The following RYR3 variants were observed in gnomAD, a reference collection of about 807,000 sequenced individuals.
RYR3 encodes brain ryanodine receptor-calcium release channel.
A neutral mutation model predicts 584.3 loss-of-function variants in RYR3; 207 were observed. That is an observed-to-expected ratio of 0.35 (90% CI 0.32 to 0.40). RYR3 has a LOEUF of 0.40. RYR3 is among the 10% of genes least tolerant of loss of function. The pLI is 1.00. For missense variants in RYR3, 5,616 were observed against 6,089.2 expected, an observed-to-expected ratio of 0.92 and a Z score of 2.59; for synonymous variants, 2,416 against 2,248.5, an observed-to-expected ratio of 1.07 and a Z score of -2.11.
chr15:33,633,098 G>A lies in RYR3; in HGVS notation c.3017G>A (p.Gly1006Asp). Residue 1006 changes from glycine (G) to aspartate (D), a missense_variant, in exon 24 of 104, where the codon GGC becomes GAC. Gly to Asp is a moderately conservative substitution (Grantham distance 94). This residue lies in a region of RYR3 where 1,284 missense variants were observed against 1,344.6 expected (regional missense o/e 0.95). Transcript: ENST00000634891. ...AGAATAAAACAAGGATGGACCTATG[G>A]CATCCAACAGGTAAGAAATTCTGGG... The part of the protein sequence containing the change: ...KDRIKQGWTY[G>D]IQQDLKNKRN... 3 of 1,612,384 alleles carry A rather than the reference G, an allele frequency of 1.9e-6. No homozygotes were observed. Among genetic ancestry groups the A allele is most frequent in the Non-Finnish European group, 2.5e-6 (3 of 1,179,020 alleles).
rs553995609 is a variant in RYR3 at position 33,337,501 on chromosome 15, C to G, written c.51+26405C>G. On this transcript the variant is annotated intron_variant, in intron 1 of 103. Coordinates refer to ENST00000634891, the MANE Select transcript of RYR3 (RefSeq NM_001036.6). Reference sequence around the variant, plus strand: ...CCCAAATTAATGTATGAGGCCAGTACAAACTTTAAGCCAAAATCAAAGATT... The same window carrying G: ...CCCAAATTAATGTATGAGGCCAGTAGAAACTTTAAGCCAAAATCAAAGATT... Among the ~76,000 whole-genome samples the G allele has an allele frequency of 4.6e-5, 7 of 151,974 alleles. No individual in the cohort carries two copies. The East Asian group carries it at 1.2e-3, about 25-fold the overall frequency.
chr15:33,820,106 T>G (rs2077032856), intron 77 of RYR3, among the ~76,000 whole-genome samples: 1 of 152,238 alleles, frequency 6.6e-6, no homozygotes. Flanking sequence ...TTTCACTCAA[T>G]GTTCAGGATA....
At chr15:33,786,446 G>C (rs945748575) in intron 66 of RYR3, among the ~76,000 whole-genome samples, 2 of 150,766 alleles carry the variant, frequency 1.3e-5, no homozygotes, top group Non-Finnish European at 2.9e-5. Flanking sequence ...CTAAGACACT[G>C]TCTCATGCGG....
Position 33,558,688 on chromosome 15 carries a change from G to A in RYR3, c.973-4149G>A, listed in dbSNP as rs374443714. Among the ~76,000 whole-genome samples, 3 of 152,264 alleles carry A rather than the reference G, an allele frequency of 2.0e-5. No homozygotes were observed. In the East Asian group the frequency reaches 5.8e-4, roughly 29 times the overall value. ...CAGAAATCCCAGTTTTACACCTTTG[G>A]CATTTTCAATCTGGCAGGGGGCAGC... On this transcript the variant is annotated intron_variant, in intron 10 of 103. Coordinates refer to ENST00000634891, the MANE Select transcript of RYR3 (RefSeq NM_001036.6).
At chr15:33,536,376 C>G (rs529011821) in intron 5 of RYR3, among the ~76,000 whole-genome samples, 1 of 152,122 alleles carries the variant, frequency 6.6e-6, no homozygotes, top group Non-Finnish European at 1.5e-5. Context: ...TTATTCTGGT[C>G]TCCTTTTAAA....
At chr15:33,665,628 T>TCC (rs1459974394) in intron 36 of RYR3, among the ~76,000 whole-genome samples, 3 of 152,174 alleles carry the variant, frequency 2.0e-5, no homozygotes, top group Non-Finnish European at 4.4e-5. Context: ...ACACTTCCTT[T>TCC]CCCCATTCTG....
At chr15:33,540,735 T>C (rs1381919922) in intron 6 of RYR3, 56 bp from the exon 7 acceptor site, 4 of 1,080,918 alleles carry the variant, frequency 3.7e-6, no homozygotes, top group Non-Finnish European at 5.7e-6. Context: ...GTGAGCTGTT[T>C]CTGTCGGCAC....
intron 42 of RYR3, among the ~76,000 whole-genome samples, chr15:33,705,609 T>C (rs1043781657): frequency 1.3e-5 from 2 of 152,224 alleles, no homozygotes; most frequent in African/African-American, 4.8e-5. Context: ...GAACAGAATC[T>C]AAAATCTTCT....
At chr15:33,498,862 G>T (rs140171298) in intron 2 of RYR3, among the ~76,000 whole-genome samples, 30 of 152,136 alleles carry the variant, frequency 2.0e-4, no homozygotes, top group African/African-American at 7.2e-4. Context: ...TATATGGTGT[G>T]TGTGGGGTAT....
chr15:33,420,345 G>T (rs766202754), intron 1 of RYR3, among the ~76,000 whole-genome samples: 4 of 152,082 alleles, frequency 2.6e-5, no homozygotes, highest in Non-Finnish European at 4.4e-5. Context: ...GTGACGATGG[G>T]GTCTCAAGCC....
intron 38 of RYR3, among the ~76,000 whole-genome samples, chr15:33,676,485 A>G (rs1354281307): frequency 1.3e-5 from 2 of 152,256 alleles, no homozygotes; most frequent in East Asian, 1.9e-4. Flanking sequence ...TAGGGTTGCC[A>G]TATCCTGGCA....
chr15:33,789,952 C>G (rs989367491), intron 67 of RYR3, among the ~76,000 whole-genome samples: 3 of 141,458 alleles, frequency 2.1e-5, no homozygotes, highest in African/African-American at 7.9e-5. Context: ...GTTGGGATTA[C>G]AGATTACAGG....
chr15:33,800,856 A>T lies in RYR3; in HGVS notation c.9917A>T (p.His3306Leu). The T allele has an allele frequency of 6.2e-7, 1 of 1,600,892 alleles. No individual in the cohort carries two copies. Among genetic ancestry groups the T allele is most frequent in the East Asian group, 2.2e-5 (1 of 44,822 alleles). ...GTCTTCATTCTGTGGTGTAAATCTC[A>T]TGTAAGAACACATTTGGGCCCTGGG... ...AEVFILWCKSHNFKREEQNFV... is the reference protein window; with the variant it reads ...AEVFILWCKSLNFKREEQNFV... Residue 3306 changes from histidine to leucine, a missense_variant and splice_region_variant, in exon 68 of 104, where the codon CAT becomes CTT. His to Leu is a moderately conservative substitution (Grantham distance 99). This residue lies in a region of RYR3 where 954 missense variants were observed against 1,132.2 expected (regional missense o/e 0.84). Coordinates refer to ENST00000634891, the MANE Select transcript of RYR3 (RefSeq NM_001036.6).
chr15:33,639,619 A>G (rs963333282), intron 27 of RYR3, among the ~76,000 whole-genome samples: 1 of 152,168 alleles, frequency 6.6e-6, no homozygotes, highest in African/African-American at 2.4e-5. Context: ...CCAGCATGTC[A>G]GCTTTGATTT....
At chr15:33,623,507 G>A (rs1308988399) in intron 19 of RYR3, among the ~76,000 whole-genome samples, 2 of 152,112 alleles carry the variant, frequency 1.3e-5, no homozygotes, top group Non-Finnish European at 2.9e-5. Flanking sequence ...AATATCTATA[G>A]TAATTATTTA....
intron 1 of RYR3, among the ~76,000 whole-genome samples, chr15:33,442,113 G>T (rs1278400353): frequency 1.3e-5 from 2 of 152,166 alleles, no homozygotes; most frequent in African/African-American, 4.8e-5. Context: ...TTCTGAGTGT[G>T]TGCCAAGCAA....
At chr15:33,402,188 C>A (rs1278928442) in intron 1 of RYR3, among the ~76,000 whole-genome samples, 1 of 152,072 alleles carries the variant, frequency 6.6e-6, no homozygotes. Flanking sequence ...AATTTTTGTA[C>A]AAGACTATCC....
At chr15:33,822,562 T>C (rs2077165944) in intron 80 of RYR3, among the ~76,000 whole-genome samples, 1 of 152,242 alleles carries the variant, frequency 6.6e-6, no homozygotes, top group African/African-American at 2.4e-5. Context: ...AAAAACAAAA[T>C]TTTTATTATG....
At chr15:33,372,358 A>ATTTTTTTT (rs59663566) in intron 1 of RYR3, among the ~76,000 whole-genome samples, 2 of 75,550 alleles carry the variant, frequency 2.6e-5, no homozygotes, top group Non-Finnish European at 4.7e-5. Context: ...TGCCCGGCTA[A>ATTTTTTTT]TTTTTTTTTT....
Sources: allele counts gnomAD v4.1 joint callset (sites outside exome capture counted in the v4.1 genomes callset), GRCh38; gene constraint gnomAD v4.1.1; regional missense constraint gnomAD v4.1.1; transcripts MANE v1.5; gene names NCBI Gene and HGNC (gene_info 2026-07-23, HGNC 2026-07-21).